Variants in BRINP3 observed in about 807,000 individuals in gnomAD.
BRINP3 encodes BMP/retinoic acid inducible neural specific 3.
In BRINP3, 19 loss-of-function variants were observed where a neutral mutation model predicts 71.0. The ratio of observed to expected loss-of-function variants is 0.27; its 90% CI spans 0.19 to 0.39. The LOEUF (loss-of-function observed/expected upper bound fraction) is 0.39, where lower values mean the gene tolerates loss of function less well. BRINP3 is among the 10% of genes least tolerant of loss of function. The probability of loss-of-function intolerance (pLI) is 1.00; values close to 1 mark genes in which losing one functional copy is unlikely to be tolerated. For missense variants in BRINP3, 959 were observed against 940.8 expected, an observed-to-expected ratio of 1.02 and a Z score of -0.25; for synonymous variants, 380 against 337.7, an observed-to-expected ratio of 1.13 and a Z score of -1.37.
chr1:190,320,270 A>G (rs751363830), intron 2 of BRINP3, among the ~76,000 whole-genome samples: 9 of 152,098 alleles, frequency 5.9e-5, no homozygotes, highest in Non-Finnish European at 7.4e-5. Flanking sequence ...AGAAAGATTA[A>G]TAATAAATAA....
chr1:190,158,968 G>A (rs1433409567), intron 7 of BRINP3, among the ~76,000 whole-genome samples: 1 of 151,938 alleles, frequency 6.6e-6, no homozygotes, highest in Non-Finnish European at 1.5e-5. Flanking sequence ...TCATACAACT[G>A]ATAGGGAACT....
intron 2 of BRINP3, among the ~76,000 whole-genome samples, chr1:190,373,610 A>G (rs897477356): frequency 6.6e-6 from 1 of 151,748 alleles, no homozygotes; most frequent in Non-Finnish European, 1.5e-5. Context: ...CTCCAAAACT[A>G]ATAATGGCAG....
At chr1:190,305,980 A>G (rs1018117109) in intron 2 of BRINP3, among the ~76,000 whole-genome samples, 4 of 151,982 alleles carry the variant, frequency 2.6e-5, no homozygotes, top group Admixed American at 2.0e-4. Flanking sequence ...TCACATGCAC[A>G]TACTTATAAC....
At chr1:190,385,816 G>T (rs1294439418) in intron 2 of BRINP3, among the ~76,000 whole-genome samples, 4 of 151,234 alleles carry the variant, frequency 2.6e-5, no homozygotes, top group Non-Finnish European at 5.9e-5. Context: ...CAATAGCAAA[G>T]ACTTGGAACC....
intron 6 of BRINP3, among the ~76,000 whole-genome samples, chr1:190,198,604 G>A (rs1023616117): frequency 3.9e-5 from 6 of 152,098 alleles, no homozygotes; most frequent in Non-Finnish European, 1.5e-5. Context: ...CAAGTTCAAA[G>A]TTTCACAAAT....
In BRINP3 at chr1:190,448,789, A is replaced by G. The variant is rs540615827; in HGVS notation, c.236+5866T>C. Among the ~76,000 whole-genome samples, 25 of 151,838 alleles carry G rather than the reference A, an allele frequency of 1.6e-4. No individual in the cohort carries two copies. In the South Asian group the frequency reaches 4.8e-3, roughly 29 times the overall value. ...TGCTATATTTTTGTTTTTTCTGGTC[A>G]CCTTGTTTCAAGTTTGATAATTCTA... On this transcript the variant is annotated intron_variant, in intron 2 of 7. Coordinates refer to ENST00000367462, the MANE Select transcript of BRINP3 (RefSeq NM_199051.3).
chr1:190,131,071 G>A (rs566877925), intron 7 of BRINP3, among the ~76,000 whole-genome samples: 2 of 150,942 alleles, frequency 1.3e-5, no homozygotes, highest in Non-Finnish European at 2.9e-5. Context: ...CTATCAGCTT[G>A]CCCTAACTGA....
In BRINP3 at chr1:190,457,617, T is replaced by C. The variant is rs897108065; in HGVS notation, c.-50-2677A>G. 3.3e-5 allele frequency among the ~76,000 whole-genome samples: 5 copies of C among 152,278 alleles called. No homozygotes were observed. In the East Asian group the frequency reaches 9.6e-4, roughly 29 times the overall value. ...ATAGAGTGAGTTAATATTTGTAAAA[T>C]CCCTAGAATAGTGCCTACCATATGG... On this transcript the variant is annotated intron_variant, in intron 1 of 7. Coordinates refer to ENST00000367462, the MANE Select transcript of BRINP3 (RefSeq NM_199051.3).
At chr1:190,206,639 A>G (rs1436634149) in intron 6 of BRINP3, among the ~76,000 whole-genome samples, 2 of 152,098 alleles carry the variant, frequency 1.3e-5, no homozygotes. Flanking sequence ...CATTGTGCTC[A>G]GAATAAAGGA....
At position 190,222,929 on chromosome 1, in the gene BRINP3, G is replaced by A. The variant is rs562702410; in HGVS notation, c.961+3153C>T. 2.0e-4 allele frequency among the ~76,000 whole-genome samples: 31 copies of A among 151,798 alleles called. 1 individual carries two copies. Among genetic ancestry groups the A allele is most frequent in the Admixed American group, 2.0e-3 (30 of 15,210 alleles). ...ACAAATTGGAAAACTTGGAAGAAAT[G>A]AATAAATTCCTGGACACACACAACT... On this transcript the variant is annotated intron_variant, in intron 6 of 7. Coordinates refer to ENST00000367462, the MANE Select transcript of BRINP3 (RefSeq NM_199051.3).
chr1:190,386,834 T>C (rs1430605754), intron 2 of BRINP3, among the ~76,000 whole-genome samples: 1 of 152,068 alleles, frequency 6.6e-6, no homozygotes, highest in African/African-American at 2.4e-5. Flanking sequence ...TTGCTAGCTA[T>C]TTCTTAGCTA....
chr1:190,109,741 G>T (rs1451280947), intron 7 of BRINP3, among the ~76,000 whole-genome samples: 1 of 152,238 alleles, frequency 6.6e-6, no homozygotes, highest in East Asian at 1.9e-4. Context: ...GAGTTGGCAA[G>T]CTCTTTTTTT....
chr1:190,461,009 A>G (rs765889267), intron 1 of BRINP3, among the ~76,000 whole-genome samples: 1 of 152,204 alleles, frequency 6.6e-6, no homozygotes, highest in Non-Finnish European at 1.5e-5. Flanking sequence ...CCCACTAGCC[A>G]TGTGGCTCTA....
chr1:190,332,392 G>T (rs1667024215), intron 2 of BRINP3, among the ~76,000 whole-genome samples: 1 of 152,106 alleles, frequency 6.6e-6, no homozygotes, highest in Middle Eastern at 3.4e-3. Flanking sequence ...GCAGCCAAAC[G>T]CTAACTATTC....
intron 6 of BRINP3, among the ~76,000 whole-genome samples, chr1:190,162,540 T>C (rs541958688): frequency 1.2e-3 from 179 of 152,260 alleles, no homozygotes; most frequent in African/African-American, 4.2e-3. Flanking sequence ...TGCATGGAAA[T>C]TGGAAAGCAT....
intron 1 of BRINP3, among the ~76,000 whole-genome samples, chr1:190,464,283 A>C (rs1697590): frequency 0.28 from 42,160 of 151,744 alleles, 7,111 homozygotes; most frequent in Non-Finnish European, 0.38. Flanking sequence ...TGAAATAGAA[A>C]TCCCTTTTGA....
At chr1:190,152,493 T>TATATAG in intron 7 of BRINP3, among the ~76,000 whole-genome samples, 1 of 144,992 alleles carries the variant, frequency 6.9e-6, no homozygotes, top group African/African-American at 2.5e-5. Flanking sequence ...CATGCACAAA[T>TATATAG]ATATATATAT....
rs980417216 is a variant in BRINP3, at chr1:190,454,856, A to C, written c.35T>G (p.Phe12Cys). 2 of 1,614,070 alleles carry C rather than the reference A, an allele frequency of 1.2e-6. No homozygotes were observed. The highest frequency in any genetic ancestry group is 2.7e-5 in the African/African-American group (2 of 74,920). Residue 12 changes from phenylalanine to cysteine, a missense_variant, in exon 2 of 8, where the codon TTC becomes TGC. By Grantham distance (205) the Phe-to-Cys change is radical. Transcript: ENST00000367462. Reference protein sequence around the residue: ...IWRSRAGAELFSLMALWEWIA... With the variant: ...IWRSRAGAELCSLMALWEWIA... ...CCACTCCCATAGAGCCATCAGAGAG[A>C]ACAATTCAGCACCAGCTCTGCTTCG... is the stretch of plus-strand genomic sequence containing the variant.
intron 2 of BRINP3, among the ~76,000 whole-genome samples, chr1:190,289,198 C>T (rs1437915426): frequency 6.6e-6 from 1 of 151,736 alleles, no homozygotes; most frequent in Non-Finnish European, 1.5e-5. Context: ...AATTGCCCAT[C>T]TTTTAAAGAA....
Sources: allele counts gnomAD v4.1 joint callset (sites outside exome capture counted in the v4.1 genomes callset), GRCh38; gene constraint gnomAD v4.1.1; transcripts MANE v1.5; gene names NCBI Gene and HGNC (gene_info 2026-07-23, HGNC 2026-07-21).